The following NKAIN3 variants were observed in gnomAD, a reference collection of about 807,000 sequenced individuals.
NKAIN3 encodes the protein sodium/potassium-transporting ATPase subunit beta-1-interacting protein 3.
NKAIN3 carries 25 observed loss-of-function variants against 30.2 expected under a neutral mutation model. That is an observed-to-expected ratio of 0.83 (90% CI 0.60 to 1.16). The LOEUF (loss-of-function observed/expected upper bound fraction) is 1.16. Among genes scored for constraint, NKAIN3 ranks in the 50% most tolerant of loss-of-function variants. NKAIN3 has a pLI of 0.00. For synonymous variants in NKAIN3, 91 were observed against 89.6 expected (o/e 1.02, Z -0.09); for missense variants, 225 against 254.1 (o/e 0.89, Z 0.78).
In NKAIN3 at chr8:62,809,077, T is replaced by C. The variant is rs1818399221; in HGVS notation, c.471+61948T>C. ...AAAGAATTCAGTGATATTTCTCCTA[T>C]TCGCTTTTGTAAGAAGAGACATATG... is the stretch of plus-strand genomic sequence containing the variant. On this transcript the variant is annotated intron_variant, in intron 4 of 6. Transcript: ENST00000623646. Among the ~76,000 whole-genome samples, 3 of 152,302 alleles carry C rather than the reference T, an allele frequency of 2.0e-5. No homozygotes were observed. In the South Asian group the frequency reaches 6.2e-4, roughly 32 times the overall value.
At chr8:62,589,831 G>C in intron 3 of NKAIN3, 37 bp downstream of exon 3, 1 of 1,075,810 alleles carries the variant, frequency 9.3e-7, no homozygotes, top group Non-Finnish European at 1.4e-6. Context: ...ACTTTAAAAT[G>C]AGTACACTTC....
At chr8:62,881,423 C>T (rs193233295) in intron 4 of NKAIN3, among the ~76,000 whole-genome samples, 2 of 152,146 alleles carry the variant, frequency 1.3e-5, no homozygotes, top group African/African-American at 4.8e-5. Context: ...TAGTAATGTG[C>T]ACTTAAGTTT....
At chr8:62,836,649 A>G (rs1819374098) in intron 4 of NKAIN3, among the ~76,000 whole-genome samples, 2 of 152,166 alleles carry the variant, frequency 1.3e-5, no homozygotes, top group Admixed American at 6.6e-5. Flanking sequence ...TAGCAATGAC[A>G]GTAGATAACA....
chr8:62,474,725 A>G (rs1585848602), intron 1 of NKAIN3, among the ~76,000 whole-genome samples: 1 of 152,204 alleles, frequency 6.6e-6, no homozygotes, highest in African/African-American at 2.4e-5. Flanking sequence ...ACAAAAGATG[A>G]GAGAAATTGT....
intron 1 of NKAIN3, among the ~76,000 whole-genome samples, chr8:62,505,274 C>T (rs1000059440): frequency 6.6e-6 from 1 of 152,084 alleles, no homozygotes; most frequent in Non-Finnish European, 1.5e-5. Flanking sequence ...TTGTGTTTAG[C>T]CCTAGGTATT....
chr8:62,273,562 G>A (rs1812838721), intron 1 of NKAIN3, among the ~76,000 whole-genome samples: 1 of 152,100 alleles, frequency 6.6e-6, no homozygotes, highest in South Asian at 2.1e-4. Context: ...TTCTTTATAG[G>A]AAGTACTGGC....
Position 62,800,584 on chromosome 8 carries a change from C to T in NKAIN3, c.471+53455C>T, listed in dbSNP as rs118089187. 7.2e-3 allele frequency among the ~76,000 whole-genome samples: 1,092 copies of T among 152,258 alleles called. 12 individuals are homozygous for T. The highest frequency in any genetic ancestry group is 0.011 in the Non-Finnish European group (755 of 68,024). ...GATTTTCTCTACTATAAATTCACTACGGAGAATTTCGGTAAAGCCATGTTT... is the reference window on the plus strand; with the variant it reads ...GATTTTCTCTACTATAAATTCACTATGGAGAATTTCGGTAAAGCCATGTTT... On this transcript the variant is annotated intron_variant, in intron 4 of 6. Transcript: ENST00000623646.
intron 1 of NKAIN3, among the ~76,000 whole-genome samples, chr8:62,524,429 C>T (rs13251600): frequency 0.055 from 8,381 of 152,120 alleles, 333 homozygotes; most frequent in Middle Eastern, 0.085. Context: ...GGGAGTAACT[C>T]GACCAAATGG....
chr8:62,806,396 A>T (rs1818282585), intron 4 of NKAIN3, among the ~76,000 whole-genome samples: 1 of 152,238 alleles, frequency 6.6e-6, no homozygotes, highest in Non-Finnish European at 1.5e-5. Flanking sequence ...AAGGACTTTG[A>T]ACCAACCCAA....
intron 3 of NKAIN3, among the ~76,000 whole-genome samples, chr8:62,709,295 G>T (rs754850476): frequency 1.3e-5 from 2 of 152,068 alleles, no homozygotes; most frequent in Non-Finnish European, 2.9e-5. Context: ...CGAAAGGATT[G>T]GTCCAATTCT....
chr8:62,341,662 G>A (rs1815751089), intron 1 of NKAIN3, among the ~76,000 whole-genome samples: 1 of 151,846 alleles, frequency 6.6e-6, no homozygotes, highest in South Asian at 2.1e-4. Flanking sequence ...CAAACCTGAT[G>A]TCTTTTTGTA....
intron 1 of NKAIN3, among the ~76,000 whole-genome samples, chr8:62,368,480 C>T (rs1158042642): frequency 6.6e-6 from 1 of 152,108 alleles, no homozygotes; most frequent in Non-Finnish European, 1.5e-5. Context: ...TGTTGGAACA[C>T]CTCAATATCC....
chr8:62,548,257 A>T (rs1370232623), intron 1 of NKAIN3, among the ~76,000 whole-genome samples: 1 of 152,214 alleles, frequency 6.6e-6, no homozygotes. Flanking sequence ...ATGAACTGAA[A>T]ATATATTCAG....
chr8:62,387,404 C>T (rs891850554), intron 1 of NKAIN3, among the ~76,000 whole-genome samples: 9 of 151,574 alleles, frequency 5.9e-5, no homozygotes, highest in Non-Finnish European at 1.0e-4. Context: ...TTTTTGACCT[C>T]TGATTAAGTC....
Position 62,249,090 on chromosome 8 carries a change from G to A in NKAIN3, c.17G>A (p.Gly6Glu). The part of the protein sequence containing the change: MGCCT[G>E]RCSLICLCAL... The stretch of plus-strand genomic sequence containing the variant: ...GCCGGCACCATGGGCTGCTGCACCG[G>A]ACGCTGCTCGCTCATCTGCCTCTGC... Residue 6 changes from glycine to glutamate, a missense_variant, in exon 1 of 7, where the codon GGA becomes GAA. Physicochemically the swap from Gly to Glu is moderately conservative, Grantham distance 98 (BLOSUM62 -2). Transcript: ENST00000623646. 6.5e-7 allele frequency: 1 copy of A among 1,539,110 alleles called. No homozygotes were observed. The highest frequency in any genetic ancestry group is 1.4e-5 in the African/African-American group (1 of 71,720).
intron 1 of NKAIN3, among the ~76,000 whole-genome samples, chr8:62,402,630 G>A (rs1803917599): frequency 6.6e-6 from 1 of 152,154 alleles, no homozygotes; most frequent in South Asian, 2.1e-4. Flanking sequence ...CTGCCGCCCT[G>A]TGAAGAAGGA....
At chr8:62,850,556 C>A (rs1819861412) in intron 4 of NKAIN3, among the ~76,000 whole-genome samples, 2 of 152,076 alleles carry the variant, frequency 1.3e-5, no homozygotes, top group African/African-American at 4.8e-5. Context: ...ATGGTATTGA[C>A]TAGGTTTTCT....
rs1488086195 is a variant in NKAIN3, at chr8:62,690,129, G to A, written c.274-56803G>A. Among the ~76,000 whole-genome samples the A allele has an allele frequency of 2.0e-5, 3 of 152,088 alleles. No homozygotes were observed. The East Asian group carries it at 5.8e-4, about 29-fold the overall frequency. On this transcript the variant is annotated intron_variant, in intron 3 of 6. Transcript: ENST00000623646. ...GCTTCAGAAGAGCCAGTGGGACTGCGCACTAATCACAGGGTGTTTCCCAGG... is the reference window on the plus strand; with the variant it reads ...GCTTCAGAAGAGCCAGTGGGACTGCACACTAATCACAGGGTGTTTCCCAGG...
intron 1 of NKAIN3, among the ~76,000 whole-genome samples, chr8:62,258,483 C>CA (rs764069823): frequency 7.9e-5 from 12 of 151,456 alleles, no homozygotes; most frequent in Non-Finnish European, 1.8e-4. Context: ...CCCCTCTCTC[C>CA]AAAAAAAGGA....
Sources: allele counts gnomAD v4.1 joint callset (sites outside exome capture counted in the v4.1 genomes callset), GRCh38; gene constraint gnomAD v4.1.1; transcripts MANE v1.5; gene names NCBI Gene and HGNC (gene_info 2026-07-23, HGNC 2026-07-21).